WWOX: variants seen among roughly 807,000 people sequenced by gnomAD.
The protein encoded by WWOX is WW domain containing oxidoreductase.
WWOX carries 69 observed loss-of-function variants against 46.2 expected under a neutral mutation model. The ratio of observed to expected loss-of-function variants is 1.49; its 90% CI spans 1.23 to 1.82. WWOX has a LOEUF of 1.82. Among genes scored for constraint, WWOX ranks in the 40% most tolerant of loss-of-function variants. The pLI is 0.00. For missense variants in WWOX, 919 were observed against 542.6 expected (o/e 1.69, Z -6.89); for synonymous variants, 359 against 202.6 (o/e 1.77, Z -6.56).
intron 8 of WWOX, among the ~76,000 whole-genome samples, chr16:78,979,075 A>T (rs1244936877): frequency 2.2e-5 from 3 of 137,054 alleles, no homozygotes; most frequent in African/African-American, 8.8e-5. Flanking sequence ...CCCTGCTCAG[A>T]ATTTCAGTCT....
chr16:78,928,248 G>T (rs1486119257), intron 8 of WWOX, among the ~76,000 whole-genome samples: 54 of 149,252 alleles, frequency 3.6e-4, no homozygotes, highest in African/African-American at 1.2e-3. Context: ...TGTCGCCCAG[G>T]CTGGAGTGCA....
At chr16:79,039,032 T>G (rs1428953542) in intron 8 of WWOX, among the ~76,000 whole-genome samples, 1 of 152,114 alleles carries the variant, frequency 6.6e-6, no homozygotes, top group Non-Finnish European at 1.5e-5. Flanking sequence ...TTCATATGAC[T>G]TAGTGTTAAA....
chr16:78,701,829 G>C lies in WWOX; in HGVS notation c.1056+269077G>C, dbSNP rs182563033. Among the ~76,000 whole-genome samples, 9 of 151,592 alleles carry C rather than the reference G, an allele frequency of 5.9e-5. No individual in the cohort carries two copies. The East Asian group carries it at 1.6e-3, about 26-fold the overall frequency. On this transcript the variant is annotated intron_variant, in intron 8 of 8. Transcript: ENST00000566780. Reference sequence around the variant, plus strand: ...GGACACATCTTGAGTTTCTCTCCATGATGGCGCAGCTCTCAGCGTAAAGCA... The same window carrying C: ...GGACACATCTTGAGTTTCTCTCCATCATGGCGCAGCTCTCAGCGTAAAGCA...
At chr16:78,481,075 T>C (rs2084474350) in intron 8 of WWOX, among the ~76,000 whole-genome samples, 1 of 152,178 alleles carries the variant, frequency 6.6e-6, no homozygotes, top group African/African-American at 2.4e-5. Context: ...AAAATCTAAA[T>C]TAGCAAAGAG....
chr16:78,179,209 T>C (rs17651294), intron 5 of WWOX, among the ~76,000 whole-genome samples: 34,651 of 152,226 alleles, frequency 0.23, 3,936 homozygotes, highest in South Asian at 0.29. Flanking sequence ...ATATAACTTT[T>C]AGCCTTTGCT....
At chr16:78,760,586 T>C (rs2049767735) in intron 8 of WWOX, among the ~76,000 whole-genome samples, 1 of 152,182 alleles carries the variant, frequency 6.6e-6, no homozygotes, top group Admixed American at 6.5e-5. Flanking sequence ...ACTTGGGGTT[T>C]TGTGTCTGTG....
chr16:79,098,612 G>A (rs2049126516), intron 8 of WWOX, among the ~76,000 whole-genome samples: 1 of 152,198 alleles, frequency 6.6e-6, no homozygotes, highest in South Asian at 2.1e-4. Context: ...GTTTTCTTTT[G>A]TTAAAGAGTA....
intron 8 of WWOX, among the ~76,000 whole-genome samples, chr16:78,882,403 T>G (rs1394302636): frequency 6.6e-6 from 1 of 152,024 alleles, no homozygotes; most frequent in Non-Finnish European, 1.5e-5. Context: ...TCTATTTTAT[T>G]ACCTGTGCCT....
intron 8 of WWOX, among the ~76,000 whole-genome samples, chr16:78,846,119 G>A (rs538658908): frequency 1.3e-5 from 2 of 152,250 alleles, no homozygotes; most frequent in South Asian, 2.1e-4. Context: ...GGGAAAGGTT[G>A]GTTGGTTGGT....
chr16:79,142,797 C>G (rs2050114883), intron 8 of WWOX, among the ~76,000 whole-genome samples: 1 of 152,152 alleles, frequency 6.6e-6, no homozygotes, highest in East Asian at 1.9e-4. Context: ...CTCCCAGGCC[C>G]AACTGATCCT....
At chr16:78,376,447 G>A (rs990445323) in intron 5 of WWOX, among the ~76,000 whole-genome samples, 2 of 152,098 alleles carry the variant, frequency 1.3e-5, no homozygotes, top group African/African-American at 4.8e-5. Context: ...AGGACTTTGG[G>A]GCACGTTTTC....
intron 8 of WWOX, among the ~76,000 whole-genome samples, chr16:78,645,882 G>A (rs963188830): frequency 2.0e-5 from 3 of 152,206 alleles, no homozygotes; most frequent in African/African-American, 4.8e-5. Context: ...TGACTTTTTC[G>A]ATTTCTGGAG....
chr16:78,566,672 G>T (rs1244517786), intron 8 of WWOX, among the ~76,000 whole-genome samples: 2 of 152,156 alleles, frequency 1.3e-5, no homozygotes, highest in African/African-American at 4.8e-5. Flanking sequence ...TCAGGACAGG[G>T]CTCACAACAG....
At chr16:78,320,160 CAG>C (rs908358434) in intron 5 of WWOX, among the ~76,000 whole-genome samples, 1 of 152,156 alleles carries the variant, frequency 6.6e-6, no homozygotes, top group Non-Finnish European at 1.5e-5. Context: ...TGACTGTATA[CAG>C]AGTCTGAGCC....
At chr16:78,577,312 G>T (rs77765652) in intron 8 of WWOX, among the ~76,000 whole-genome samples, 1 of 152,120 alleles carries the variant, frequency 6.6e-6, no homozygotes, top group Non-Finnish European at 1.5e-5. Context: ...GTGGTGCAGG[G>T]CAAATATATG....
At chr16:78,846,238 A>G (rs973155331) in intron 8 of WWOX, among the ~76,000 whole-genome samples, 4 of 152,214 alleles carry the variant, frequency 2.6e-5, no homozygotes, top group Non-Finnish European at 4.4e-5. Context: ...TAATACTAAC[A>G]TGATACATTT....
intron 8 of WWOX, among the ~76,000 whole-genome samples, chr16:78,550,008 G>C (rs2151541295): frequency 6.6e-6 from 1 of 152,282 alleles, no homozygotes; most frequent in African/African-American, 2.4e-5. Flanking sequence ...GAAATGCCTA[G>C]GTTGAAAACA....
intron 5 of WWOX, among the ~76,000 whole-genome samples, chr16:78,379,618 A>G (rs1029323941): frequency 1.3e-5 from 2 of 152,204 alleles, no homozygotes; most frequent in African/African-American, 4.8e-5. Context: ...CCACATGCAC[A>G]AGATGGGAGT....
At chr16:78,594,894 T>G (rs2045450182) in intron 8 of WWOX, among the ~76,000 whole-genome samples, 2 of 152,226 alleles carry the variant, frequency 1.3e-5, no homozygotes. Flanking sequence ...CTATGCATAT[T>G]GCAAGTAAAG....
Sources: gnomAD v4.1 joint callset for allele counts (sites outside exome capture counted in the v4.1 genomes callset) on GRCh38, gnomAD v4.1.1 for gene constraint, MANE v1.5 for transcripts, NCBI Gene and HGNC (gene_info 2026-07-23, HGNC 2026-07-21) for gene names.